MED13L: variants seen among roughly 807,000 people sequenced by gnomAD.
The protein encoded by MED13L is mediator of RNA polymerase II transcription subunit 13-like.
A neutral mutation model predicts 220.9 loss-of-function variants in MED13L; 7 were observed. The observed-to-expected ratio is 0.03, with a 90% CI of 0.02 to 0.06. The LOEUF is 0.06. MED13L is among the 10% of genes least tolerant of loss of function. The probability of loss-of-function intolerance (pLI) is 1.00; values close to 1 mark genes in which losing one functional copy is unlikely to be tolerated. For missense variants in MED13L, 1,965 were observed against 2,760.5 expected (o/e 0.71, Z 6.46); for synonymous variants, 1,011 against 1,015.2 (o/e 1.00, Z 0.08).
chr12:116,247,363 A>C (rs1871187545), intron 1 of MED13L, among the ~76,000 whole-genome samples: 1 of 152,224 alleles, frequency 6.6e-6, no homozygotes, highest in African/African-American at 2.4e-5. Context: ...AAACTGAAGA[A>C]CAATATCCCA....
intron 4 of MED13L, among the ~76,000 whole-genome samples, chr12:116,024,427 A>C (rs1418068294): frequency 6.6e-6 from 1 of 152,230 alleles, no homozygotes; most frequent in Non-Finnish European, 1.5e-5. Flanking sequence ...GAAAAGAACA[A>C]ATGAAAATTT....
intron 2 of MED13L, among the ~76,000 whole-genome samples, chr12:116,210,952 C>A (rs1056362615): frequency 2.0e-5 from 3 of 152,006 alleles, no homozygotes; most frequent in Non-Finnish European, 4.4e-5. Flanking sequence ...GAAAAGCCTG[C>A]AAAAAGGAAC....
chr12:116,133,864 AT>A (rs1876289658), intron 2 of MED13L, among the ~76,000 whole-genome samples: 1 of 152,174 alleles, frequency 6.6e-6, no homozygotes, highest in Non-Finnish European at 1.5e-5. Context: ...GAGCAGCCAC[AT>A]GTAGTTCTTC....
intron 7 of MED13L, among the ~76,000 whole-genome samples, chr12:116,015,660 T>C (rs1438854495): frequency 2.0e-5 from 3 of 152,200 alleles, no homozygotes; most frequent in Non-Finnish European, 4.4e-5. Context: ...TTTTAAATCT[T>C]AACACAGTCA....
At position 115,982,612 on chromosome 12, in the gene MED13L, A is replaced by T. The variant is rs768413898; in HGVS notation, c.4956-9T>A. ...TCTCCCTTTCTGTAACACTGGAGAGAGAGTCACTTGTGAGATGCACAAAAT... is the reference window on the plus strand; with the variant it reads ...TCTCCCTTTCTGTAACACTGGAGAGTGAGTCACTTGTGAGATGCACAAAAT... On this transcript the variant is annotated splice_polypyrimidine_tract_variant and intron_variant, in intron 21 of 30. Transcript: ENST00000281928. 9 of 1,605,810 alleles carry T rather than the reference A, an allele frequency of 5.6e-6. No individual in the cohort carries two copies. The highest frequency in any genetic ancestry group is 6.0e-6 in the Non-Finnish European group (7 of 1,172,584).
chr12:115,964,514 T>C (rs1477606435), intron 29 of MED13L, among the ~76,000 whole-genome samples: 1 of 152,240 alleles, frequency 6.6e-6, no homozygotes, highest in East Asian at 1.9e-4. Flanking sequence ...AGAGGCAACA[T>C]ATAAATGCTT....
chr12:116,097,908 A>C (rs1260197818), intron 3 of MED13L, among the ~76,000 whole-genome samples: 1 of 152,222 alleles, frequency 6.6e-6, no homozygotes. Flanking sequence ...CACCTGGCCA[A>C]CTGCGGATGC....
intron 2 of MED13L, among the ~76,000 whole-genome samples, chr12:116,187,243 C>T (rs554342717): frequency 6.6e-6 from 1 of 152,294 alleles, no homozygotes; most frequent in South Asian, 2.1e-4. Flanking sequence ...GAGCCAGAGC[C>T]CCTCCTCTCT....
At chr12:116,121,175 G>T (rs1875060451) in intron 2 of MED13L, among the ~76,000 whole-genome samples, 1 of 152,026 alleles carries the variant, frequency 6.6e-6, no homozygotes, top group Non-Finnish European at 1.5e-5. Flanking sequence ...TATTTAAACT[G>T]CAAAAGTAGT....
At chr12:116,198,357 T>A (rs1055534774) in intron 2 of MED13L, among the ~76,000 whole-genome samples, 23 of 152,038 alleles carry the variant, frequency 1.5e-4, no homozygotes, top group African/African-American at 3.9e-4. Flanking sequence ...TTAAAAAAAA[T>A]TTTTTTTCAT....
intron 30 of MED13L, among the ~76,000 whole-genome samples, 166 bp downstream of exon 30, chr12:115,963,241 T>C (rs1875895861): frequency 6.6e-6 from 1 of 152,188 alleles, no homozygotes; most frequent in Non-Finnish European, 1.5e-5. Context: ...GCCTGTCCCA[T>C]GCAGCTATGA....
chr12:116,234,157 A>G (rs1869842832), intron 2 of MED13L, among the ~76,000 whole-genome samples: 1 of 152,206 alleles, frequency 6.6e-6, no homozygotes, highest in Admixed American at 6.5e-5. Context: ...CCTCTATTAA[A>G]AAAAATGTTA....
chr12:116,084,564 T>C (rs567723854), intron 4 of MED13L, among the ~76,000 whole-genome samples: 8 of 152,250 alleles, frequency 5.3e-5, no homozygotes, highest in African/African-American at 1.9e-4. Flanking sequence ...CAACAAATCA[T>C]TAGCAGAAAA....
chr12:115,986,168 G>A, intron 19 of MED13L, 98 bp downstream of exon 19: 1 of 1,305,990 alleles, frequency 7.7e-7, no homozygotes, highest in Non-Finnish European at 1.1e-6. Flanking sequence ...TTTTCTCTGA[G>A]ATTTACTTTC....
chr12:116,084,393 TA>T, intron 4 of MED13L, among the ~76,000 whole-genome samples: 1 of 152,310 alleles, frequency 6.6e-6, no homozygotes, highest in South Asian at 2.1e-4. Context: ...GGGCTGCAGG[TA>T]AAGTTGCAAA....
chr12:116,066,182 T>C (rs1436576478), intron 4 of MED13L, among the ~76,000 whole-genome samples: 2 of 152,170 alleles, frequency 1.3e-5, no homozygotes, highest in African/African-American at 4.8e-5. Flanking sequence ...GAGGAGCAGC[T>C]ACAGTGAAAA....
At chr12:116,049,724 T>C (rs1259474008) in intron 4 of MED13L, among the ~76,000 whole-genome samples, 1 of 152,178 alleles carries the variant, frequency 6.6e-6, no homozygotes, top group Non-Finnish European at 1.5e-5. Context: ...TCAAACAATT[T>C]AGGAAGGTGG....
At chr12:116,095,685 C>T (rs1049061943) in intron 4 of MED13L, among the ~76,000 whole-genome samples, 1 of 152,174 alleles carries the variant, frequency 6.6e-6, no homozygotes, top group African/African-American at 2.4e-5. Flanking sequence ...AGGGCAAGTA[C>T]ACTGATAATA....
chr12:116,124,123 CGAGA>C (rs58366115), intron 2 of MED13L, among the ~76,000 whole-genome samples: 1,448 of 133,600 alleles, frequency 0.011, 40 homozygotes, highest in East Asian at 0.059. Flanking sequence ...GAGAGAAAGA[CGAGA>C]GAGAGAGAGA....
Sources: allele counts gnomAD v4.1 joint callset (sites outside exome capture counted in the v4.1 genomes callset), GRCh38; gene constraint gnomAD v4.1.1; transcripts MANE v1.5; gene names NCBI Gene and HGNC (gene_info 2026-07-23, HGNC 2026-07-21).